HTT: variants seen among roughly 807,000 people sequenced by gnomAD.
HTT encodes huntingtin.
HTT carries 104 observed loss-of-function variants against 362.3 expected under a neutral mutation model. That is an observed-to-expected ratio of 0.29 (90% CI 0.24 to 0.34). The LOEUF is 0.34. Ranked by LOEUF, HTT falls within the 10% of genes least tolerant of loss-of-function variation. The pLI, the probability that HTT is intolerant of heterozygous loss-of-function variation, is 1.00. For synonymous variants in HTT, 1,577 were observed against 1,548.7 expected, an observed-to-expected ratio of 1.02 and a Z score of -0.43; for missense variants, 3,301 against 3,928.6, an observed-to-expected ratio of 0.84 and a Z score of 4.27.
At chr4:3,119,811 T>C (rs1368065946) in intron 8 of HTT, among the ~76,000 whole-genome samples, 1 of 152,200 alleles carries the variant, frequency 6.6e-6, no homozygotes, top group African/African-American at 2.4e-5. Flanking sequence ...TTGTTCAAAA[T>C]GGATGGCTTA....
chr4:3,140,485 C>A, intron 21 of HTT, 25 bp from the exon 22 acceptor site: 2 of 1,611,822 alleles, frequency 1.2e-6, no homozygotes, highest in Non-Finnish European at 1.7e-6. Flanking sequence ...CTTTCTTAAG[C>A]AAATTAACCT....
chr4:3,123,288 C>G (rs1256350197), intron 10 of HTT: 3 of 188,404 alleles, frequency 1.6e-5, no homozygotes, highest in African/African-American at 7.0e-5. Context: ...TCAGCTCTGC[C>G]CTGTGACAGG....
At chr4:3,211,873 T>C (rs1720175989) in intron 47 of HTT, 56 bp from the exon 48 acceptor site, 2 of 1,285,338 alleles carry the variant, frequency 1.6e-6, no homozygotes, top group East Asian at 2.3e-5. Context: ...TCTTACCTGA[T>C]TGAAAGCTCA....
intron 61 of HTT, among the ~76,000 whole-genome samples, chr4:3,234,034 G>A (rs1342172763): frequency 1.3e-5 from 2 of 152,250 alleles, no homozygotes; most frequent in South Asian, 4.1e-4. Context: ...ACATGGGGGA[G>A]TTGAGGGCAA....
intron 2 of HTT, among the ~76,000 whole-genome samples, chr4:3,088,658 C>T (rs1398506326): frequency 6.6e-6 from 1 of 152,100 alleles, no homozygotes; most frequent in African/African-American, 2.4e-5. Context: ...CCATTCTTTC[C>T]TGTAGTCCCT....
chr4:3,194,796 T>C (rs1448385162), intron 40 of HTT, among the ~76,000 whole-genome samples: 2 of 152,156 alleles, frequency 1.3e-5, no homozygotes, highest in African/African-American at 4.8e-5. Flanking sequence ...GCAGGAATAC[T>C]GGAAGAGAGA....
chr4:3,100,295 G>A (rs1178109446), intron 3 of HTT, among the ~76,000 whole-genome samples: 9 of 152,230 alleles, frequency 5.9e-5, no homozygotes, highest in Non-Finnish European at 1.3e-4. Flanking sequence ...GTGGTAAGAA[G>A]TGTTCTTATT....
intron 6 of HTT, among the ~76,000 whole-genome samples, chr4:3,109,366 C>T (rs1165746698): frequency 6.6e-6 from 1 of 151,926 alleles, no homozygotes; most frequent in Non-Finnish European, 1.5e-5. Flanking sequence ...GCTGGGATTA[C>T]AGGCATGCAT....
At chr4:3,211,160 T>C (rs1720141129) in intron 47 of HTT, among the ~76,000 whole-genome samples, 1 of 151,774 alleles carries the variant, frequency 6.6e-6, no homozygotes, top group Admixed American at 6.6e-5. Context: ...CACCTCGGCC[T>C]CCCAAAGTGC....
At chr4:3,157,859 T>C (rs1227125642) in intron 28 of HTT, among the ~76,000 whole-genome samples, 1 of 152,212 alleles carries the variant, frequency 6.6e-6, no homozygotes, top group African/African-American at 2.4e-5. Flanking sequence ...TCCCCAATAA[T>C]GTTTACAGAA....
chr4:3,179,786 G>T (rs565039908), intron 35 of HTT, among the ~76,000 whole-genome samples: 1 of 150,510 alleles, frequency 6.6e-6, no homozygotes, highest in Non-Finnish European at 1.5e-5. Context: ...CACTGAGGGG[G>T]TCAGAGTGTG....
At chr4:3,190,380 G>A (rs1201508646) in intron 40 of HTT, among the ~76,000 whole-genome samples, 2 of 148,912 alleles carry the variant, frequency 1.3e-5, no homozygotes, top group Non-Finnish European at 3.0e-5. Context: ...GTAAACCTGA[G>A]AGCTTCCTCC....
At chr4:3,140,260 CAA>C (rs754479930) in intron 21 of HTT, among the ~76,000 whole-genome samples, 34 of 82,986 alleles carry the variant, frequency 4.1e-4, no homozygotes, top group Non-Finnish European at 4.5e-4. Context: ...CATTCTGTCT[CAA>C]AAAAAAAAAA....
chr4:3,212,517 C>G, intron 48 of HTT, 47 bp from the exon 49 acceptor site: 1 of 1,590,654 alleles, frequency 6.3e-7, no homozygotes, highest in Non-Finnish European at 8.6e-7. Flanking sequence ...GAAGTTGATG[C>G]ATCTGTGCTC....
chr4:3,179,602 T>A (rs1248089826), intron 35 of HTT, among the ~76,000 whole-genome samples: 1 of 150,292 alleles, frequency 6.7e-6, no homozygotes, highest in Non-Finnish European at 1.5e-5. Flanking sequence ...TGTGTGTGTG[T>A]ACGTGTGTGT....
intron 2 of HTT, among the ~76,000 whole-genome samples, chr4:3,090,044 A>C (rs193293879): frequency 6.6e-6 from 1 of 152,298 alleles, no homozygotes; most frequent in African/African-American, 2.4e-5. Context: ...TTTTATGTAA[A>C]TATGTTTTAT....
At chr4:3,103,679 T>C (rs568696855) in intron 3 of HTT, 145 bp from the exon 4 acceptor site, 140 of 605,090 alleles carry the variant, frequency 2.3e-4, no homozygotes, top group African/African-American at 2.3e-3. Context: ...TATATTTGTT[T>C]CTTTCATTCT....
intron 1 of HTT, among the ~76,000 whole-genome samples, chr4:3,078,960 C>T (rs547573235): frequency 6.6e-6 from 1 of 152,308 alleles, no homozygotes; most frequent in Admixed American, 6.5e-5. Flanking sequence ...TGATCTTGAT[C>T]TCCTGACCTC....
At chr4:3,198,087 C>CT (rs1006398636) in intron 40 of HTT, among the ~76,000 whole-genome samples, 71 of 152,288 alleles carry the variant, frequency 4.7e-4, no homozygotes, top group Non-Finnish European at 5.7e-4. Context: ...TCTGCATTCT[C>CT]TGAGTGTGCT....
Sources: allele counts gnomAD v4.1 joint callset (sites outside exome capture counted in the v4.1 genomes callset), GRCh38; gene constraint gnomAD v4.1.1; transcripts MANE v1.5; gene names NCBI Gene and HGNC (gene_info 2026-07-23, HGNC 2026-07-21).